Variants in ADGRL2 observed in about 807,000 individuals in gnomAD.
ADGRL2 encodes the protein adhesion G protein-coupled receptor L2.
ADGRL2 carries 44 observed loss-of-function variants against 157.4 expected under a neutral mutation model. The observed-to-expected ratio is 0.28, with a 90% CI of 0.22 to 0.36. ADGRL2 has a LOEUF of 0.36. ADGRL2 is among the 10% of genes least tolerant of loss of function. The pLI is 1.00. For missense variants in ADGRL2, 1,510 were observed against 1,768.9 expected, an observed-to-expected ratio of 0.85 and a Z score of 2.63; for synonymous variants, 585 against 624.7, an observed-to-expected ratio of 0.94 and a Z score of 0.95.
At chr1:81,538,110 GCTTGGGTATTTAACAAGAAGTT>G (rs1196755027) in intron 2 of ADGRL2, among the ~76,000 whole-genome samples, 3 of 152,098 alleles carry the variant, frequency 2.0e-5, no homozygotes, top group African/African-American at 4.8e-5. Context: ...AATGTTTTGG[GCTTGGGTATTTAACAAGAAGTT>G]CTGGGGCTTT....
chr1:81,626,655 T>G (rs2081917058), intron 3 of ADGRL2, among the ~76,000 whole-genome samples: 1 of 152,170 alleles, frequency 6.6e-6, no homozygotes. Context: ...CGCGGGCAGT[T>G]TAGCTGAAAA....
intron 11 of ADGRL2, among the ~76,000 whole-genome samples, chr1:81,957,249 G>A (rs367987263): frequency 2.0e-5 from 3 of 149,874 alleles, no homozygotes; most frequent in Admixed American, 2.0e-4. Context: ...AATTTCATGG[G>A]CTGGGTTCAC....
At chr1:81,878,692 G>A (rs2093905667) in intron 2 of ADGRL2, among the ~76,000 whole-genome samples, 1 of 152,088 alleles carries the variant, frequency 6.6e-6, no homozygotes, top group African/African-American at 2.4e-5. Flanking sequence ...AAATTAACAG[G>A]TCATTCTTTT....
chr1:81,708,023 C>A (rs2083796142), intron 1 of ADGRL2, among the ~76,000 whole-genome samples: 1 of 152,168 alleles, frequency 6.6e-6, no homozygotes, highest in African/African-American at 2.4e-5. Context: ...ATTTTAAATG[C>A]CTACGCTTGT....
intron 2 of ADGRL2, among the ~76,000 whole-genome samples, chr1:81,844,733 T>G (rs2092720916): frequency 6.6e-6 from 1 of 152,128 alleles, no homozygotes; most frequent in Non-Finnish European, 1.5e-5. Context: ...GAATACCTAG[T>G]CCCAGCCTCG....
intron 2 of ADGRL2, among the ~76,000 whole-genome samples, chr1:81,849,698 A>G (rs956392841): frequency 2.0e-5 from 3 of 151,884 alleles, no homozygotes; most frequent in African/African-American, 7.2e-5. Flanking sequence ...TGTAATACTG[A>G]TAAGTATATA....
chr1:81,851,597 T>C (rs1465392909), intron 2 of ADGRL2, among the ~76,000 whole-genome samples: 2 of 151,872 alleles, frequency 1.3e-5, no homozygotes, highest in Non-Finnish European at 2.9e-5. Flanking sequence ...CCTGAAAATA[T>C]ATTACTTTTT....
chr1:81,310,398 C>T (rs1659664092), intron 1 of ADGRL2, among the ~76,000 whole-genome samples: 1 of 152,150 alleles, frequency 6.6e-6, no homozygotes, highest in African/African-American at 2.4e-5. Flanking sequence ...TTTATTTGAC[C>T]TGTGGATATC....
chr1:81,551,303 T>G (rs982026765), intron 2 of ADGRL2, among the ~76,000 whole-genome samples: 2 of 151,708 alleles, frequency 1.3e-5, no homozygotes, highest in Admixed American at 6.6e-5. Flanking sequence ...GGAAGATCTG[T>G]GTATCCAACA....
intron 3 of ADGRL2, among the ~76,000 whole-genome samples, chr1:81,642,879 C>T (rs781451454): frequency 6.6e-6 from 1 of 152,128 alleles, no homozygotes; most frequent in Non-Finnish European, 1.5e-5. Flanking sequence ...AAATTCACCA[C>T]CAATTTGTTG....
intron 1 of ADGRL2, among the ~76,000 whole-genome samples, chr1:81,743,555 TA>T: frequency 6.6e-6 from 1 of 152,046 alleles, no homozygotes; most frequent in East Asian, 1.9e-4. Flanking sequence ...ATTAGAAGAA[TA>T]AAAAAGACTA....
chr1:81,472,690 T>C (rs1434564731), intron 2 of ADGRL2, among the ~76,000 whole-genome samples: 2 of 152,178 alleles, frequency 1.3e-5, no homozygotes, highest in African/African-American at 4.8e-5. Flanking sequence ...TAATCTCTAG[T>C]CTGTATATCT....
chr1:81,963,904 A>T (rs1656259541), intron 11 of ADGRL2, among the ~76,000 whole-genome samples: 1 of 151,242 alleles, frequency 6.6e-6, no homozygotes, highest in Admixed American at 6.6e-5. Flanking sequence ...GTATGTATTT[A>T]TCAGTTGAGT....
At chr1:81,858,080 T>G (rs2093267289) in intron 2 of ADGRL2, among the ~76,000 whole-genome samples, 1 of 152,146 alleles carries the variant, frequency 6.6e-6, no homozygotes, top group African/African-American at 2.4e-5. Flanking sequence ...CCAGTGGAGA[T>G]AAGACTAGGA....
chr1:81,596,378 T>G (rs1306986463), intron 3 of ADGRL2: 1 of 506,046 alleles, frequency 2.0e-6, no homozygotes, highest in Admixed American at 2.1e-5. Flanking sequence ...TCTTTTCCTT[T>G]CCTCCTCTGA....
At chr1:81,720,413 C>T (rs1046077857) in intron 1 of ADGRL2, among the ~76,000 whole-genome samples, 8 of 151,896 alleles carry the variant, frequency 5.3e-5, no homozygotes, top group Non-Finnish European at 8.8e-5. Flanking sequence ...CAAAGTGATC[C>T]GCCTGCCTCG....
chr1:81,704,939 C>T (rs1427336815), intron 1 of ADGRL2, among the ~76,000 whole-genome samples: 1 of 152,122 alleles, frequency 6.6e-6, no homozygotes, highest in African/African-American at 2.4e-5. Context: ...GAAAAAGACA[C>T]TTCTGCAGAA....
chr1:81,701,848 C>A (rs752059776), intron 1 of ADGRL2, among the ~76,000 whole-genome samples: 1 of 152,204 alleles, frequency 6.6e-6, no homozygotes, highest in African/African-American at 2.4e-5. Context: ...TCTCTTTTCT[C>A]CCAGGAATTG....
At chr1:81,596,086 C>T (rs1273292396) in intron 3 of ADGRL2, 2 of 347,674 alleles carry the variant, frequency 5.8e-6, no homozygotes, top group Admixed American at 3.8e-5. Context: ...AATGCCATCA[C>T]AGTGGGAACT....
Sources: gnomAD v4.1 joint callset for allele counts (sites outside exome capture counted in the v4.1 genomes callset) on GRCh38, gnomAD v4.1.1 for gene constraint, MANE v1.5 for transcripts, NCBI Gene and HGNC (gene_info 2026-07-23, HGNC 2026-07-21) for gene names.